Variants in SRPK2 observed in about 807,000 individuals in gnomAD.
SRPK2 encodes the protein SFRS protein kinase 2.
SRPK2 carries 21 observed loss-of-function variants against 90.8 expected under a neutral mutation model. The observed-to-expected ratio is 0.23, with a 90% CI of 0.16 to 0.33. The LOEUF (loss-of-function observed/expected upper bound fraction) is 0.33, where lower values mean the gene tolerates loss of function less well. Ranked by LOEUF, SRPK2 falls within the 10% of genes least tolerant of loss-of-function variation. The probability of loss-of-function intolerance (pLI) is 1.00; values close to 1 mark genes in which losing one functional copy is unlikely to be tolerated. For missense variants in SRPK2, 620 were observed against 869.0 expected, an observed-to-expected ratio of 0.71 and a Z score of 3.60; for synonymous variants, 288 against 311.1, an observed-to-expected ratio of 0.93 and a Z score of 0.78.
At chr7:105,347,738 T>A (rs909714449) in intron 2 of SRPK2, among the ~76,000 whole-genome samples, 1 of 151,660 alleles carries the variant, frequency 6.6e-6, no homozygotes, top group Non-Finnish European at 1.5e-5. Flanking sequence ...AAACTTGTGG[T>A]CCCAGCTACT....
intron 2 of SRPK2, among the ~76,000 whole-genome samples, chr7:105,365,423 T>C (rs538138561): frequency 1.4e-5 from 2 of 147,952 alleles, no homozygotes; most frequent in African/African-American, 5.0e-5. Flanking sequence ...GAGGCGGAGA[T>C]TGCAGTGAGC....
At chr7:105,254,019 A>C (rs994932542) in intron 2 of SRPK2, among the ~76,000 whole-genome samples, 1 of 152,232 alleles carries the variant, frequency 6.6e-6, no homozygotes, top group African/African-American at 2.4e-5. Context: ...TAGATTCATT[A>C]GCATAAATAG....
chr7:105,362,879 A>T (rs1341447819), intron 2 of SRPK2, among the ~76,000 whole-genome samples: 1 of 152,202 alleles, frequency 6.6e-6, no homozygotes, highest in East Asian at 1.9e-4. Context: ...AAAAAGAATG[A>T]GTTCCTTTGT....
intron 3 of SRPK2, among the ~76,000 whole-genome samples, chr7:105,173,275 T>C (rs926320741): frequency 7.9e-5 from 12 of 152,164 alleles, no homozygotes; most frequent in South Asian, 4.1e-4. Context: ...TGGCTAGTAA[T>C]AGTATTTTTA....
intron 7 of SRPK2, among the ~76,000 whole-genome samples, chr7:105,157,039 T>A (rs569718950): frequency 1.3e-5 from 2 of 152,178 alleles, no homozygotes; most frequent in South Asian, 4.1e-4. Flanking sequence ...AGGTTTTACT[T>A]GCAATAGAAA....
intron 2 of SRPK2, among the ~76,000 whole-genome samples, chr7:105,266,468 A>C (rs1022390847): frequency 6.6e-6 from 1 of 152,122 alleles, no homozygotes; most frequent in Non-Finnish European, 1.5e-5. Flanking sequence ...GCAGGAACAA[A>C]ATCAGTTGTG....
chr7:105,196,973 C>A (rs958894974), intron 3 of SRPK2, among the ~76,000 whole-genome samples: 1 of 152,008 alleles, frequency 6.6e-6, no homozygotes, highest in Admixed American at 6.6e-5. Context: ...TTGTTTGTAC[C>A]CGGGAGGTAG....
rs572930883 is a variant in SRPK2 at position 105,364,405 on chromosome 7, G to GAGTTTTTTTTTTTTTT, written c.71+24242_71+24243insAAAAAAAAAAAAAACT. ...CTTTCCATAGCATACCGTGTGTAAC[G>GAGTTTTTTTTTTTTTT]TTTTTTTTTTTTTGAGAAGGAGTCT... On this transcript the variant is annotated intron_variant, in intron 2 of 15. Transcript: ENST00000393651. Among the ~76,000 whole-genome samples, 12 of 133,920 alleles carry GAGTTTTTTTTTTTTTT rather than the reference G, an allele frequency of 9.0e-5. No individual in the cohort carries two copies. In the East Asian group the frequency reaches 1.7e-3, roughly 19 times the overall value. 87.9% of individuals were successfully genotyped at this position (133,920 alleles called of 152,430 possible). A position where few individuals can be genotyped will look rare whatever the true frequency, so the allele number is the denominator to read the frequency against.
intron 3 of SRPK2, among the ~76,000 whole-genome samples, chr7:105,192,209 TC>T (rs1344393583): frequency 1.3e-5 from 2 of 152,170 alleles, no homozygotes; most frequent in East Asian, 3.9e-4. Context: ...CTCATCCCTT[TC>T]CTACCCTTTC....
At chr7:105,388,406 G>A (rs1821902026) in intron 2 of SRPK2, among the ~76,000 whole-genome samples, 1 of 148,266 alleles carries the variant, frequency 6.7e-6, no homozygotes, top group African/African-American at 2.4e-5. Context: ...TGGCGACCCG[G>A]GGCGGGAGGT....
intron 2 of SRPK2, among the ~76,000 whole-genome samples, chr7:105,359,287 T>C (rs1329495323): frequency 6.6e-6 from 1 of 150,910 alleles, no homozygotes; most frequent in African/African-American, 2.4e-5. Context: ...GCCTCCCAAG[T>C]AGCTGGGATT....
chr7:105,137,634 CTA>C (rs1803060804), intron 11 of SRPK2, among the ~76,000 whole-genome samples: 2 of 152,200 alleles, frequency 1.3e-5, no homozygotes, highest in South Asian at 4.1e-4. Flanking sequence ...AAGATACACA[CTA>C]AGGCTCTGGC....
At chr7:105,252,565 ATAT>A (rs1802619546) in intron 2 of SRPK2, among the ~76,000 whole-genome samples, 1 of 152,106 alleles carries the variant, frequency 6.6e-6, no homozygotes, top group African/African-American at 2.4e-5. Flanking sequence ...GGTTTTACTG[ATAT>A]TATACTATCT....
At position 105,139,955 on chromosome 7, in the gene SRPK2, C is replaced by G. The variant is rs74626089; in HGVS notation, c.1543+2053G>C. ...CAGGACATCCTGAGGATACCAAAAT[C>G]CACAGATGCTCAAGTCTCTGATATA... is the stretch of plus-strand genomic sequence containing the variant. On this transcript the variant is annotated intron_variant, in intron 11 of 15. Coordinates refer to ENST00000393651, the MANE Select transcript of SRPK2 (RefSeq NM_182692.3). Among the ~76,000 whole-genome samples, 465 of 151,950 alleles carry G rather than the reference C, an allele frequency of 3.1e-3. 14 individuals are homozygous for G. The East Asian group carries it at 0.062, about 20-fold the overall frequency.
chr7:105,339,012 A>G (rs1815438207), intron 2 of SRPK2, among the ~76,000 whole-genome samples: 2 of 152,338 alleles, frequency 1.3e-5, no homozygotes, highest in Admixed American at 6.5e-5. Flanking sequence ...GAAAGGAATA[A>G]TAATAGTTAT....
At chr7:105,385,007 G>T (rs541130172) in intron 2 of SRPK2, among the ~76,000 whole-genome samples, 25 of 150,380 alleles carry the variant, frequency 1.7e-4, no homozygotes, top group African/African-American at 4.7e-4. Flanking sequence ...CTCCCGAGTA[G>T]CTGGGACTAC....
At chr7:105,317,531 C>A (rs997831377) in intron 2 of SRPK2, among the ~76,000 whole-genome samples, 2 of 152,158 alleles carry the variant, frequency 1.3e-5, no homozygotes, top group Admixed American at 1.3e-4. Context: ...GGGAACCTGA[C>A]AGACATTTTT....
rs1477903772 is a variant in SRPK2 at position 105,280,973 on chromosome 7, A to C, written c.72-77188T>G. Among the ~76,000 whole-genome samples the C allele has an allele frequency of 5.9e-4, 84 of 141,792 alleles. 1 individual carries two copies. Among genetic ancestry groups the C allele is most frequent in the African/African-American group, 2.0e-3 (81 of 39,642 alleles). The allele number at this position is 141,792 out of a possible 152,430, so 93.0% of individuals were successfully genotyped here. ...AAAAAAAAAAAAAAAAAAAAAAAAA[A>C]AAAAAAAAAAAACCTTGTTTATAAG... On this transcript the variant is annotated intron_variant, in intron 2 of 15. Transcript: ENST00000393651.
At chr7:105,160,301 G>A in intron 7 of SRPK2, 1 of 352,626 alleles carries the variant, frequency 2.8e-6, no homozygotes, top group East Asian at 4.3e-5. Flanking sequence ...ATTACATGTT[G>A]TTCCCTTCAC....
Sources: gnomAD v4.1 joint callset for allele counts (sites outside exome capture counted in the v4.1 genomes callset) on GRCh38, gnomAD v4.1.1 for gene constraint, MANE v1.5 for transcripts, NCBI Gene and HGNC (gene_info 2026-07-23, HGNC 2026-07-21) for gene names.